PARP4: variants seen among roughly 807,000 people sequenced by gnomAD.
The protein encoded by PARP4 is protein mono-ADP-ribosyltransferase PARP4.
A neutral mutation model predicts 187.7 loss-of-function variants in PARP4; 120 were observed. The observed-to-expected ratio is 0.64, with a 90% CI of 0.55 to 0.74. PARP4 has a LOEUF of 0.74. Among genes scored for constraint, PARP4 ranks in the 30% least tolerant of loss-of-function variants. The pLI is 0.00. For synonymous variants in PARP4, 654 were observed against 740.9 expected, an observed-to-expected ratio of 0.88 and a Z score of 1.90; for missense variants, 1,836 against 2,070.5, an observed-to-expected ratio of 0.89 and a Z score of 2.20.
Position 24,492,708 on chromosome 13 carries a change from T to C in PARP4, c.880-114A>G. 4 of 837,166 alleles carry C rather than the reference T, an allele frequency of 4.8e-6. No homozygotes were observed. In the South Asian group the frequency reaches 6.1e-5, roughly 13 times the overall value. 51.9% of individuals were successfully genotyped at this position (837,166 alleles called of 1,614,324 possible). On this transcript the variant is annotated intron_variant, in intron 8 of 33. Coordinates refer to ENST00000381989, the MANE Select transcript of PARP4 (RefSeq NM_006437.4). ...CATGTCAAGACTATCCATTTTCTAC[T>C]GGAGAGCCTTCACAAAGCAAATGCT... is the stretch of plus-strand genomic sequence containing the variant.
rs1194832489 is a variant in PARP4, at chr13:24,434,600, G to C, written c.4541C>G (p.Pro1514Arg). 1.9e-6 allele frequency: 3 copies of C among 1,612,140 alleles called. No homozygotes were observed. The highest frequency in any genetic ancestry group is 2.7e-5 in the African/African-American group (2 of 74,876). Residue 1514 changes from proline (P) to arginine (R), a missense_variant, in exon 31 of 34, where the codon CCT (proline) becomes CGT (arginine). Pro to Arg is a moderately radical substitution (Grantham distance 103). Coordinates refer to ENST00000381989, the MANE Select transcript of PARP4 (RefSeq NM_006437.4). The part of the protein sequence containing the change: ...SVGSLEGSRC[P>R]VFAFQSSDTE... ...GTCAGAACTTTGAAAAGCAAAGACA[G>C]GACATCGACTTCCTTCGAGACTGCC...
chr13:24,439,859 C>T (rs1870828604), intron 30 of PARP4, among the ~76,000 whole-genome samples: 1 of 152,122 alleles, frequency 6.6e-6, no homozygotes, highest in Non-Finnish European at 1.5e-5. Context: ...CAGCTTAGCC[C>T]CTCGCTTTCC....
rs920946184 is a variant in PARP4 at position 24,466,650 on chromosome 13, C to A, written c.2133+2374G>T. On this transcript the variant is annotated intron_variant, in intron 17 of 33. Transcript: ENST00000381989. Reference sequence around the variant, plus strand: ...TCTCTACTAAAAATACAAAAATTAGCTGGGTGTGGTGGTATGTGCCTTTAG... The same window carrying A: ...TCTCTACTAAAAATACAAAAATTAGATGGGTGTGGTGGTATGTGCCTTTAG... Among the ~76,000 whole-genome samples, 14 of 151,830 alleles carry A rather than the reference C, an allele frequency of 9.2e-5. No individual in the cohort carries two copies. The East Asian group carries it at 2.7e-3, about 30-fold the overall frequency.
intron 32 of PARP4, among the ~76,000 whole-genome samples, chr13:24,427,522 C>A (rs1436946232): frequency 6.6e-6 from 1 of 151,530 alleles, no homozygotes; most frequent in Non-Finnish European, 1.5e-5. Context: ...AGGCAAGAGC[C>A]ACAACACATA....
At chr13:24,506,881 C>G (rs555153625) in intron 1 of PARP4, among the ~76,000 whole-genome samples, 1 of 152,196 alleles carries the variant, frequency 6.6e-6, no homozygotes, top group East Asian at 1.9e-4. Flanking sequence ...GCGGGACGCT[C>G]GTGCTGCGCA....
intron 12 of PARP4, among the ~76,000 whole-genome samples, chr13:24,479,954 C>T (rs1426926390): frequency 1.3e-5 from 2 of 152,248 alleles, no homozygotes; most frequent in East Asian, 3.9e-4. Flanking sequence ...GAACGAACAA[C>T]TCCAGATGCG....
chr13:24,459,308 A>T lies in PARP4; in HGVS notation c.2301T>A (p.Asp767Glu). The change falls in exon 19 of 34, where the codon GAT (aspartate) becomes GAA (glutamate). Residue 767 changes from aspartate (D) to glutamate (E), a missense_variant and splice_region_variant. Asp to Glu is a conservative substitution (Grantham distance 45, BLOSUM62 2). Around this residue, in one of 8 missense-constraint regions of PARP4, gnomAD observed 1,147 missense variants for 1,214.2 expected, o/e 0.94. Coordinates refer to ENST00000381989, the MANE Select transcript of PARP4 (RefSeq NM_006437.4). ...CTTTTATACAAATCTTCTCTACTGT[A>T]TCCTGTTAAAAGAAAAATACATTTG... ...QDKALNENLQ[D>E]TVEKICIKEI... 1.3e-6 allele frequency: 2 copies of T among 1,553,264 alleles called. No homozygotes were observed. The highest frequency in any genetic ancestry group is 1.8e-6 in the Non-Finnish European group (2 of 1,141,890).
rs1341557256 is a variant in PARP4, at chr13:24,452,452, C to T, written c.2968G>A (p.Val990Met). ...LQDESLTLQL[V>M]KRSRPHTRLF... Reference sequence around the variant, plus strand: ...CTGGTGTGCGGGCGGCTCCTCTTCACGAGCTGTAATGTCAGGCTCTCATCC... The same window carrying T: ...CTGGTGTGCGGGCGGCTCCTCTTCATGAGCTGTAATGTCAGGCTCTCATCC... Residue 990 changes from valine (V) to methionine (M), a missense_variant, in exon 24 of 34, where the codon GTG becomes ATG. Val to Met is a conservative substitution (Grantham distance 21). Coordinates refer to ENST00000381989, the MANE Select transcript of PARP4 (RefSeq NM_006437.4). 1.1e-5 allele frequency: 18 copies of T among 1,613,916 alleles called. No homozygotes were observed. The highest frequency in any genetic ancestry group is 2.7e-5 in the African/African-American group (2 of 74,916).
chr13:24,431,328 A>G (rs947664733), intron 32 of PARP4, 49 bp downstream of exon 32: 3 of 1,000,676 alleles, frequency 3.0e-6, no homozygotes, highest in Non-Finnish European at 4.6e-6. Context: ...GAGCATGCTT[A>G]TTAATGAATG....
chr13:24,453,292 T>G (rs1390783166), intron 23 of PARP4, among the ~76,000 whole-genome samples: 4 of 151,828 alleles, frequency 2.6e-5, no homozygotes, highest in African/African-American at 9.7e-5. Context: ...TAGATAAAGC[T>G]GGCTGCATTT....
rs1405317158 is a variant in PARP4, at chr13:24,453,616, T to C, written c.2797A>G (p.Ser933Gly). 6.2e-7 allele frequency: 1 copy of C among 1,607,018 alleles called. No homozygotes were observed. Among genetic ancestry groups the C allele is most frequent in the Admixed American group, 1.7e-5 (1 of 60,012 alleles). The part of the protein sequence containing the change: ...ELFSYPKHIT[S>G]NTMAAEFIMS... The stretch of plus-strand genomic sequence containing the variant: ...ATGAACTCTGCTGCCATGGTATTGC[T>C]TGTGATATGCTTAGGATACGAAAAT... Residue 933 changes from serine (S) to glycine (G), a missense_variant, in exon 23 of 34, where the codon AGC (serine) becomes GGC (glycine). Around this residue, in one of 8 missense-constraint regions of PARP4, gnomAD observed 1,147 missense variants for 1,214.2 expected, o/e 0.94. Coordinates refer to ENST00000381989, the MANE Select transcript of PARP4 (RefSeq NM_006437.4).
intron 3 of PARP4, among the ~76,000 whole-genome samples, chr13:24,500,792 C>CT (rs2137542931): frequency 6.6e-6 from 1 of 152,324 alleles, no homozygotes; most frequent in South Asian, 2.1e-4. Flanking sequence ...TTGCTTCATA[C>CT]TTTCTGTACA....
chr13:24,469,956 C>A lies in PARP4; in HGVS notation c.1984G>T (p.Asp662Tyr). ...AAGCCACACACAGCGGCCTTGTCATCCAAAGGAAAGATATATTTTGCCTCA... is the reference window on the plus strand; with the variant it reads ...AAGCCACACACAGCGGCCTTGTCATACAAAGGAAAGATATATTTTGCCTCA... ...PIEAKYIFPL[D>Y]DKAAVCGFEA... is the part of the protein sequence containing the mutation. The change falls in exon 16 of 34, where the codon GAT (aspartate) becomes TAT (tyrosine). Residue 662 changes from aspartate to tyrosine, a missense_variant. Asp to Tyr is a radical substitution (Grantham distance 160). Coordinates refer to ENST00000381989, the MANE Select transcript of PARP4 (RefSeq NM_006437.4). 2 of 1,613,784 alleles carry A rather than the reference C, an allele frequency of 1.2e-6. No homozygotes were observed. Among genetic ancestry groups the A allele is most frequent in the Non-Finnish European group, 1.7e-6 (2 of 1,179,810 alleles).
Position 24,420,955 on chromosome 13 carries a change from G to T in PARP4, c.*164C>A. The T allele has an allele frequency of 7.8e-6, 6 of 771,352 alleles. No homozygotes were observed. The South Asian group carries it at 1.5e-4, about 19-fold the overall frequency. 47.8% of individuals were successfully genotyped at this position (771,352 alleles called of 1,614,324 possible). Reference sequence around the variant, plus strand: ...ATATTTTAAGTTTCATTTTATTATTGCTTGTTAGTTGATTAAAGTAATTCT... The same window carrying T: ...ATATTTTAAGTTTCATTTTATTATTTCTTGTTAGTTGATTAAAGTAATTCT... On this transcript the variant is annotated 3_prime_UTR_variant, in exon 34 of 34. Transcript: ENST00000381989.
chr13:24,452,824 CTA>C (rs1291378409), intron 23 of PARP4, among the ~76,000 whole-genome samples: 2 of 152,234 alleles, frequency 1.3e-5, no homozygotes, highest in African/African-American at 4.8e-5. Context: ...TTCCAGAGGA[CTA>C]TGACATCTAC....
Position 24,472,891 on chromosome 13 carries a change from GTTTT to G in PARP4, c.1914+2577_1914+2580del, listed in dbSNP as rs3978786. Among the ~76,000 whole-genome samples, 906 of 109,538 alleles carry G rather than the reference GTTTT, an allele frequency of 8.3e-3. 3 individuals carry two copies. The highest frequency in any genetic ancestry group is 0.02 in the African/African-American group (579 of 28,910). 71.9% of individuals were successfully genotyped at this position (109,538 alleles called of 152,430 possible). ...TTCTCCTTCTCTTTCAACACCCTGA[GTTTT>G]TTTTTTTTTTTTTTTTTTGAGACAG... On this transcript the variant is annotated intron_variant, in intron 15 of 33. Coordinates refer to ENST00000381989, the MANE Select transcript of PARP4 (RefSeq NM_006437.4).
In PARP4 at chr13:24,509,889, G is replaced by A. The variant is rs763485593; in HGVS notation, c.-2+2817C>T. ...TAATTTTTGTATTTTTAGTAGAGAC[G>A]GGGTTTCACCATGTTGGCCAGGCTG... On this transcript the variant is annotated intron_variant, in intron 1 of 33. Transcript: ENST00000381989. 7.2e-5 allele frequency among the ~76,000 whole-genome samples: 11 copies of A among 151,952 alleles called. No individual in the cohort carries two copies. The East Asian group carries it at 1.8e-3, about 24-fold the overall frequency.
At chr13:24,487,254 G>A (rs1441675058) in intron 10 of PARP4, among the ~76,000 whole-genome samples, 2 of 115,430 alleles carry the variant, frequency 1.7e-5, no homozygotes, top group East Asian at 4.6e-4. Flanking sequence ...GCAAGGCTCC[G>A]TCAAAAAAAA....
chr13:24,493,111 G>A (rs1158483980), intron 8 of PARP4, among the ~76,000 whole-genome samples: 5 of 152,140 alleles, frequency 3.3e-5, no homozygotes, highest in Non-Finnish European at 5.9e-5. Flanking sequence ...TTGTACCATT[G>A]GGGTATCTTC....
Sources: allele counts gnomAD v4.1 joint callset (sites outside exome capture counted in the v4.1 genomes callset), GRCh38; gene constraint gnomAD v4.1.1; regional missense constraint gnomAD v4.1.1; transcripts MANE v1.5; gene names NCBI Gene and HGNC (gene_info 2026-07-23, HGNC 2026-07-21).